Variants in CTNND2 observed in about 807,000 individuals in gnomAD.
CTNND2 encodes catenin delta 2.
In CTNND2, 22 loss-of-function variants were observed where a neutral mutation model predicts 144.4. The ratio of observed to expected loss-of-function variants is 0.15; its 90% CI spans 0.11 to 0.22. The LOEUF is 0.22. CTNND2 is among the 10% of genes least tolerant of loss of function. The probability of loss-of-function intolerance (pLI) is 1.00; values close to 1 mark genes in which losing one functional copy is unlikely to be tolerated. For missense variants in CTNND2, 1,353 were observed against 1,618.8 expected, an observed-to-expected ratio of 0.84 and a Z score of 2.82; for synonymous variants, 751 against 695.6, an observed-to-expected ratio of 1.08 and a Z score of -1.25.
chr5:11,153,494 C>T (rs753221968), intron 12 of CTNND2, among the ~76,000 whole-genome samples: 7 of 152,132 alleles, frequency 4.6e-5, no homozygotes, highest in Non-Finnish European at 7.4e-5. Flanking sequence ...AGAAAATAAA[C>T]GTCCTTGGAG....
At chr5:11,510,986 A>C (rs1336605591) in intron 3 of CTNND2, among the ~76,000 whole-genome samples, 3 of 152,174 alleles carry the variant, frequency 2.0e-5, no homozygotes, top group Non-Finnish European at 4.4e-5. Flanking sequence ...TCATCACCAT[A>C]TCCTGAAAGA....
chr5:11,520,349 T>C (rs1279915108), intron 3 of CTNND2, among the ~76,000 whole-genome samples: 4 of 152,012 alleles, frequency 2.6e-5, no homozygotes, highest in African/African-American at 9.7e-5. Context: ...AAAATCAACC[T>C]AGATTAAAGA....
chr5:11,065,346 C>T (rs1257010578), intron 16 of CTNND2, among the ~76,000 whole-genome samples: 3 of 152,242 alleles, frequency 2.0e-5, no homozygotes, highest in African/African-American at 4.8e-5. Context: ...GCTCACAGAA[C>T]TTTACTGCTT....
chr5:11,360,749 C>T (rs1399184536), intron 8 of CTNND2, among the ~76,000 whole-genome samples: 1 of 152,070 alleles, frequency 6.6e-6, no homozygotes, highest in Non-Finnish European at 1.5e-5. Flanking sequence ...CCTTCCAATA[C>T]CGGTTAATTT....
At chr5:11,751,207 G>C (rs748737483) in intron 1 of CTNND2, among the ~76,000 whole-genome samples, 1 of 151,800 alleles carries the variant, frequency 6.6e-6, no homozygotes, top group East Asian at 1.9e-4. Context: ...AATTTCTCAA[G>C]TGTAAAGCAG....
chr5:11,040,703 C>T, intron 16 of CTNND2, among the ~76,000 whole-genome samples: 1 of 152,098 alleles, frequency 6.6e-6, no homozygotes, highest in Middle Eastern at 3.4e-3. Flanking sequence ...CCTTTTTGAA[C>T]TAGAAATAAA....
At chr5:11,509,472 G>C (rs1019673872) in intron 3 of CTNND2, among the ~76,000 whole-genome samples, 2 of 151,822 alleles carry the variant, frequency 1.3e-5, no homozygotes, top group Non-Finnish European at 2.9e-5. Context: ...GGGCAAAAAA[G>C]GCAAAAAAAC....
At chr5:10,984,522 A>G (rs2062687) in intron 20 of CTNND2, among the ~76,000 whole-genome samples, 64,750 of 152,042 alleles carry the variant, frequency 0.43, 14,268 homozygotes, top group African/African-American at 0.53. Flanking sequence ...GAATCTTAAA[A>G]GCACGAGGCA....
At chr5:11,678,412 A>C (rs1337854989) in intron 2 of CTNND2, among the ~76,000 whole-genome samples, 1 of 152,172 alleles carries the variant, frequency 6.6e-6, no homozygotes, top group Non-Finnish European at 1.5e-5. Context: ...GTCAAGAGTT[A>C]AAATAAAACT....
At position 11,645,050 on chromosome 5, in the gene CTNND2, C is replaced by T. The variant is rs961104323; in HGVS notation, c.175-79994G>A. Among the ~76,000 whole-genome samples, 12 of 152,150 alleles carry T rather than the reference C, an allele frequency of 7.9e-5. No individual in the cohort carries two copies. In the East Asian group the frequency reaches 2.3e-3, roughly 29 times the overall value. On this transcript the variant is annotated intron_variant, in intron 2 of 21. Coordinates refer to ENST00000304623, the MANE Select transcript of CTNND2 (RefSeq NM_001332.4). ...TAACCATCATAGCTCACTGCAGGCTCAAACTCCTGGGCTCAAGGGATCCTT... is the reference window on the plus strand; with the variant it reads ...TAACCATCATAGCTCACTGCAGGCTTAAACTCCTGGGCTCAAGGGATCCTT...
chr5:11,749,650 A>T (rs1344865231), intron 1 of CTNND2, among the ~76,000 whole-genome samples: 3 of 152,074 alleles, frequency 2.0e-5, no homozygotes, highest in Admixed American at 2.0e-4. Context: ...ATTTCTAAAG[A>T]TGTTCAAGGA....
At chr5:11,520,129 A>G (rs1338610194) in intron 3 of CTNND2, among the ~76,000 whole-genome samples, 13 of 150,250 alleles carry the variant, frequency 8.7e-5, no homozygotes, top group Middle Eastern at 3.4e-3. Context: ...CCTGGGCAAC[A>G]AGAGTGAAAC....
At chr5:11,825,526 T>TG (rs1442325211) in intron 1 of CTNND2, among the ~76,000 whole-genome samples, 1 of 152,066 alleles carries the variant, frequency 6.6e-6, no homozygotes, top group Non-Finnish European at 1.5e-5. Context: ...AGAAGAACTA[T>TG]GTGAAGAAAT....
chr5:11,186,097 T>C (rs916170943), intron 11 of CTNND2, among the ~76,000 whole-genome samples: 1 of 152,260 alleles, frequency 6.6e-6, no homozygotes, highest in Admixed American at 6.5e-5. Context: ...AATTTTGGCA[T>C]GCTCTGAAAT....
chr5:11,328,639 G>A (rs1430575870), intron 9 of CTNND2, among the ~76,000 whole-genome samples: 2 of 152,098 alleles, frequency 1.3e-5, no homozygotes, highest in African/African-American at 4.8e-5. Context: ...ACATCTATAT[G>A]AGCAGAATGA....
chr5:11,766,804 C>T (rs141237366), intron 1 of CTNND2, among the ~76,000 whole-genome samples: 12 of 152,270 alleles, frequency 7.9e-5, no homozygotes, highest in Non-Finnish European at 1.3e-4. Context: ...ATCTCCTCTC[C>T]TCCCTCCTGA....
At chr5:11,069,844 C>T (rs1425455336) in intron 16 of CTNND2, among the ~76,000 whole-genome samples, 1 of 152,178 alleles carries the variant, frequency 6.6e-6, no homozygotes, top group Non-Finnish European at 1.5e-5. Flanking sequence ...AAATACTGAT[C>T]ATGCTCTTGA....
At chr5:11,345,505 A>G (rs138951257) in intron 9 of CTNND2, among the ~76,000 whole-genome samples, 24 of 152,296 alleles carry the variant, frequency 1.6e-4, no homozygotes, top group African/African-American at 5.8e-4. Context: ...CCCTCAATAC[A>G]GTACACAGGA....
intron 2 of CTNND2, among the ~76,000 whole-genome samples, chr5:11,704,210 G>A (rs893231579): frequency 6.6e-6 from 1 of 152,310 alleles, no homozygotes; most frequent in East Asian, 1.9e-4. Flanking sequence ...GCCTGACCTC[G>A]GAGGACTACC....
Sources: allele counts gnomAD v4.1 joint callset (sites outside exome capture counted in the v4.1 genomes callset), GRCh38; gene constraint gnomAD v4.1.1; transcripts MANE v1.5; gene names NCBI Gene and HGNC (gene_info 2026-07-23, HGNC 2026-07-21).